The following FHIT variants were observed in gnomAD, a reference collection of about 807,000 sequenced individuals.
FHIT encodes fragile histidine triad diadenosine triphosphatase.
In FHIT, 19 loss-of-function variants were observed where a neutral mutation model predicts 17.9. The observed-to-expected ratio is 1.06, with a 90% CI of 0.74 to 1.56. FHIT has a LOEUF of 1.56. Ranked by LOEUF, FHIT falls within the 40% of genes most tolerant of loss-of-function variation. FHIT has a pLI of 0.00. For missense variants in FHIT, 248 were observed against 189.2 expected, an observed-to-expected ratio of 1.31 and a Z score of -1.82; for synonymous variants, 81 against 69.7, an observed-to-expected ratio of 1.16 and a Z score of -0.81.
At chr3:59,812,102 G>T (rs1700427421) in intron 8 of FHIT, among the ~76,000 whole-genome samples, 1 of 152,106 alleles carries the variant, frequency 6.6e-6, no homozygotes, top group Non-Finnish European at 1.5e-5. Context: ...ATAACTGGTG[G>T]GAGAGGGTAG....
chr3:59,771,325 T>C (rs1252142834), intron 8 of FHIT, among the ~76,000 whole-genome samples: 2 of 152,156 alleles, frequency 1.3e-5, no homozygotes, highest in Non-Finnish European at 2.9e-5. Flanking sequence ...AGAATCATTC[T>C]GGGGAAAAGA....
intron 5 of FHIT, among the ~76,000 whole-genome samples, chr3:60,103,469 G>T (rs1338786340): frequency 6.6e-6 from 1 of 152,164 alleles, no homozygotes; most frequent in African/African-American, 2.4e-5. Context: ...ATAAATTTGT[G>T]AAGAAATGAC....
intron 1 of FHIT, among the ~76,000 whole-genome samples, chr3:61,245,198 C>T (rs2040460549): frequency 6.6e-6 from 1 of 152,102 alleles, no homozygotes. Context: ...CATTAGCTAC[C>T]ATTTATGGAG....
chr3:60,923,419 G>A (rs981244479), intron 3 of FHIT, among the ~76,000 whole-genome samples: 2 of 152,168 alleles, frequency 1.3e-5, no homozygotes, highest in African/African-American at 2.4e-5. Flanking sequence ...CTGTGAGGAT[G>A]AAATGAGATA....
Position 59,847,955 on chromosome 3 carries a change from AAAAAGGCATCAGCCCTTT to A in FHIT, c.348+74373_348+74390del, listed in dbSNP as rs200383513. On this transcript the variant is annotated intron_variant, in intron 8 of 9. Transcript: ENST00000492590. ...AAAGAAGAAAAATTAAGGGAAGCGA[AAAAAGGCATCAGCCCTTT>A]AAATTCCCTAGGAGTCACTTCAGCT... is the stretch of plus-strand genomic sequence containing the variant. 1.2e-4 allele frequency among the ~76,000 whole-genome samples: 18 copies of A among 152,324 alleles called. No individual in the cohort carries two copies. The East Asian group carries it at 2.7e-3, about 23-fold the overall frequency.
At chr3:60,452,567 TAGTA>T (rs1194021908) in intron 5 of FHIT, among the ~76,000 whole-genome samples, 1 of 152,200 alleles carries the variant, frequency 6.6e-6, no homozygotes, top group East Asian at 1.9e-4. Context: ...AAACAATGAT[TAGTA>T]ATTAACACAT....
At chr3:59,892,532 G>C (rs959388968) in intron 8 of FHIT, among the ~76,000 whole-genome samples, 4 of 152,140 alleles carry the variant, frequency 2.6e-5, no homozygotes, top group African/African-American at 9.7e-5. Context: ...GTGTTATAGA[G>C]GTTAGGGGGT....
chr3:60,288,000 G>C (rs1707807839), intron 5 of FHIT, among the ~76,000 whole-genome samples: 1 of 151,926 alleles, frequency 6.6e-6, no homozygotes, highest in Non-Finnish European at 1.5e-5. Flanking sequence ...GTTTGAAGCT[G>C]ATTAGCTGAG....
chr3:60,111,630 C>T (rs775795588), intron 5 of FHIT, among the ~76,000 whole-genome samples: 30 of 152,202 alleles, frequency 2.0e-4, no homozygotes, highest in Non-Finnish European at 4.0e-4. Flanking sequence ...CTGTCCTTTG[C>T]TACTGTAAAA....
At chr3:60,261,930 C>T (rs1163520433) in intron 5 of FHIT, among the ~76,000 whole-genome samples, 3 of 152,020 alleles carry the variant, frequency 2.0e-5, no homozygotes, top group African/African-American at 7.2e-5. Flanking sequence ...CAGGCCTTCC[C>T]AAGTCAGCCC....
intron 7 of FHIT, among the ~76,000 whole-genome samples, chr3:59,996,468 A>C (rs1488307069): frequency 1.3e-5 from 2 of 152,096 alleles, no homozygotes; most frequent in African/African-American, 4.8e-5. Flanking sequence ...GGCCCCTGAA[A>C]TTAAATGCGA....
At chr3:60,376,832 T>C (rs1569355) in intron 5 of FHIT, among the ~76,000 whole-genome samples, 45,273 of 152,018 alleles carry the variant, frequency 0.3, 7,666 homozygotes, top group Non-Finnish European at 0.39. Flanking sequence ...ATACACGACA[T>C]AGATATTTTT....
intron 5 of FHIT, among the ~76,000 whole-genome samples, chr3:60,073,712 A>G (rs1702883275): frequency 6.6e-6 from 1 of 152,092 alleles, no homozygotes; most frequent in Admixed American, 6.6e-5. Context: ...AGGTATTTTC[A>G]GTGCCCATTT....
At chr3:59,813,558 G>A (rs1700482449) in intron 8 of FHIT, among the ~76,000 whole-genome samples, 1 of 152,180 alleles carries the variant, frequency 6.6e-6, no homozygotes, top group Non-Finnish European at 1.5e-5. Context: ...GTAGTCTTTG[G>A]AACAGGAAGG....
intron 5 of FHIT, among the ~76,000 whole-genome samples, chr3:60,299,120 T>C (rs1450849878): frequency 6.6e-6 from 1 of 152,136 alleles, no homozygotes; most frequent in Non-Finnish European, 1.5e-5. Context: ...CTGATCCATT[T>C]GTGTAGAGTC....
intron 4 of FHIT, among the ~76,000 whole-genome samples, chr3:60,697,627 T>C (rs2041144252): frequency 6.6e-6 from 1 of 152,146 alleles, no homozygotes; most frequent in South Asian, 2.1e-4. Flanking sequence ...AATATATATA[T>C]TTTAAAAGAC....
intron 4 of FHIT, among the ~76,000 whole-genome samples, chr3:60,791,209 A>C (rs535252117): frequency 4.8e-4 from 73 of 152,146 alleles, no homozygotes; most frequent in Middle Eastern, 3.4e-3. Flanking sequence ...CAACCTTTTC[A>C]CCTGTACATA....
At chr3:60,276,900 C>A (rs1325103810) in intron 5 of FHIT, among the ~76,000 whole-genome samples, 1 of 152,116 alleles carries the variant, frequency 6.6e-6, no homozygotes, top group African/African-American at 2.4e-5. Context: ...TCACTCATTA[C>A]TGCAAGGATG....
At position 60,399,289 on chromosome 3, in the gene FHIT, A is replaced by G. The variant is rs369628213; in HGVS notation, c.103+137571T>C. 6.6e-5 allele frequency among the ~76,000 whole-genome samples: 10 copies of G among 152,296 alleles called. 1 individual carries two copies. Among genetic ancestry groups the G allele is most frequent in the South Asian group, 6.2e-4 (3 of 4,830 alleles). On this transcript the variant is annotated intron_variant, in intron 5 of 9. Transcript: ENST00000492590. ...TGTCCTTCATAGTTCTAAAAGAAAT[A>G]TCCCATTTTCTCCCTTTCTTAACCC...
Sources: allele counts gnomAD v4.1 joint callset (sites outside exome capture counted in the v4.1 genomes callset), GRCh38; gene constraint gnomAD v4.1.1; transcripts MANE v1.5; gene names NCBI Gene and HGNC (gene_info 2026-07-23, HGNC 2026-07-21).